The following DIDO1 variants were observed in gnomAD, a reference collection of about 807,000 sequenced individuals.
DIDO1 encodes death inducer-obliterator 1.
A neutral mutation model predicts 99.4 loss-of-function variants in DIDO1; 16 were observed. The observed-to-expected ratio is 0.16, with a 90% CI of 0.11 to 0.24. DIDO1 has a LOEUF of 0.24. Ranked by LOEUF, DIDO1 falls within the 10% of genes least tolerant of loss-of-function variation. DIDO1 has a pLI of 1.00. For synonymous variants in DIDO1, 1,366 were observed against 1,239.1 expected (o/e 1.10, Z -2.15); for missense variants, 2,996 against 3,014.0 (o/e 0.99, Z 0.14).
chr20:62,882,915 C>CTTTTTTTTT (rs10583836), intron 15 of DIDO1, among the ~76,000 whole-genome samples: 2 of 81,354 alleles, frequency 2.5e-5, no homozygotes, highest in African/African-American at 5.4e-5. Flanking sequence ...AACAAACAGC[C>CTTTTTTTTT]TTTTTTTTTT....
At chr20:62,905,730 A>C in intron 6 of DIDO1, 157 bp downstream of exon 6, 2 of 1,607,228 alleles carry the variant, frequency 1.2e-6, no homozygotes, top group Non-Finnish European at 8.5e-7. Context: ...AGCAGGAGGC[A>C]TCCTGGACAT....
chr20:62,879,155 G>T lies in DIDO1; in HGVS notation c.*78C>A. On this transcript the variant is annotated 3_prime_UTR_variant, in exon 16 of 16. Coordinates refer to ENST00000395343, the MANE Select transcript of DIDO1 (RefSeq NM_001193369.2). The surrounding 1 kb of genome is among the most constrained non-coding windows in gnomAD (Gnocchi z 6.3). ...AATATTCTATCCTGAATCTAAGATC[G>T]TGGCTATTTCAAAAGCTATTTGTTC... is the stretch of plus-strand genomic sequence containing the variant. 3.1e-6 allele frequency: 4 copies of T among 1,276,102 alleles called. No individual in the cohort carries two copies. Among genetic ancestry groups the T allele is most frequent in the Non-Finnish European group, 2.1e-6 (2 of 967,458 alleles). The allele number at this position is 1,276,102 out of a possible 1,614,324, so 79.0% of individuals were successfully genotyped here. A position where few individuals can be genotyped will look rare whatever the true frequency, so the allele number is the denominator to read the frequency against.
intron 1 of DIDO1, among the ~76,000 whole-genome samples, chr20:62,935,358 G>C (rs535917005): frequency 6.6e-6 from 1 of 152,030 alleles, no homozygotes; most frequent in Non-Finnish European, 1.5e-5. Flanking sequence ...CTCCTATTAC[G>C]ATTTAGCCAT....
rs1326862208 is a variant in DIDO1 at position 62,896,015 on chromosome 20, G to A, written c.2214+218C>T. ...AAAAGGTGGACTTCAGGGAAGCCAG[G>A]AAGCGGACGCGACCCTAGTTAAGGC... On this transcript the variant is annotated intron_variant, in intron 8 of 15. Transcript: ENST00000395343. The surrounding 1 kb of genome is among the most constrained non-coding windows in gnomAD (Gnocchi z 4.4). 6.6e-6 allele frequency among the ~76,000 whole-genome samples: 1 copy of A among 152,208 alleles called. No individual in the cohort carries two copies. Among genetic ancestry groups the A allele is most frequent in the South Asian group, 2.1e-4 (1 of 4,824 alleles).
At chr20:62,889,095 G>C in intron 15 of DIDO1, 1 of 985,536 alleles carries the variant, frequency 1.0e-6, no homozygotes, top group Non-Finnish European at 1.2e-6. Context: ...CGTTCCCCCA[G>C]CTGGTCGCGG....
At position 62,907,320 on chromosome 20, in the gene DIDO1, C is replaced by G. The variant is rs755559157; in HGVS notation, c.1201G>C (p.Gly401Arg). The G allele has an allele frequency of 1.9e-6, 3 of 1,614,016 alleles. No individual in the cohort carries two copies. Among genetic ancestry groups the G allele is most frequent in the African/African-American group, 2.7e-5 (2 of 74,918 alleles). ...TCGGGCTGCGCCACGTGACAGCACCCGGGGCCAATACATTTTGAGGCACCA... is the reference window on the plus strand; with the variant it reads ...TCGGGCTGCGCCACGTGACAGCACCGGGGGCCAATACATTTTGAGGCACCA... ...APGASKCIGPGCCHVAQPDSV... is the reference protein window; with the variant it reads ...APGASKCIGPRCCHVAQPDSV... The change falls in exon 5 of 16, where the codon GGG becomes CGG. Residue 401 changes from glycine to arginine, a missense_variant. Gly to Arg is a moderately radical substitution (Grantham distance 125, BLOSUM62 -2). Coordinates refer to ENST00000395343, the MANE Select transcript of DIDO1 (RefSeq NM_001193369.2).
intron 15 of DIDO1, chr20:62,889,124 T>C (rs2064348289): frequency 3.0e-6 from 3 of 985,502 alleles, no homozygotes; most frequent in Non-Finnish European, 3.6e-6. Flanking sequence ...GTGTGGGTGG[T>C]TGGTGCCATC....
intron 6 of DIDO1, among the ~76,000 whole-genome samples, chr20:62,899,606 G>T (rs1030909586): frequency 6.6e-6 from 1 of 152,158 alleles, no homozygotes; most frequent in Non-Finnish European, 1.5e-5. Flanking sequence ...GCAGATTAAC[G>T]TAATTTATTT....
chr20:62,908,523 C>T (rs1227059950), intron 4 of DIDO1, among the ~76,000 whole-genome samples: 1 of 152,232 alleles, frequency 6.6e-6, no homozygotes, highest in Non-Finnish European at 1.5e-5. Flanking sequence ...CTGCTGTTTA[C>T]AAAGTCTGTC....
At position 62,880,650 on chromosome 20, in the gene DIDO1, G is replaced by T; in HGVS notation, c.5306C>A (p.Pro1769His). ...HALGMSGLHGPNFPGPRGPAP... is the reference protein window; with the variant it reads ...HALGMSGLHGHNFPGPRGPAP... The stretch of plus-strand genomic sequence containing the variant: ...TGGCCCCCTTGGTCCCGGGAAATTG[G>T]GGCCGTGAAGCCCTGACATCCCCAA... Residue 1769 changes from proline to histidine, a missense_variant, in exon 16 of 16, where the codon CCC (proline) becomes CAC (histidine). Pro to His is a moderately conservative substitution (Grantham distance 77). Around this residue, in one of 5 missense-constraint regions of DIDO1, gnomAD observed 1,562 missense variants for 1,412.6 expected, o/e 1.11. Coordinates refer to ENST00000395343, the MANE Select transcript of DIDO1 (RefSeq NM_001193369.2). 6.2e-7 allele frequency: 1 copy of T among 1,612,838 alleles called. No individual in the cohort carries two copies. Among genetic ancestry groups the T allele is most frequent in the Non-Finnish European group, 8.5e-7 (1 of 1,180,000 alleles).
At chr20:62,890,844 C>T in intron 15 of DIDO1, 116 bp downstream of exon 15, 1 of 1,590,460 alleles carries the variant, frequency 6.3e-7, no homozygotes, top group East Asian at 2.2e-5. Flanking sequence ...CGTCTGTGCT[C>T]CTAACTCCTG....
At position 62,880,769 on chromosome 20, in the gene DIDO1, G is replaced by C; in HGVS notation, c.5187C>G (p.Pro1729=). The part of the protein sequence containing the change: ...TEGDREPQAR[P]GEGTAPLPPP... ...GGGGGAGCGGGGCGGTGCCCTCGCC[G>C]GGTCTGGCCTGTGGCTCTCTGTCCC... The change falls in exon 16 of 16, where the codon CCC becomes CCG. Residue 1729 remains proline (P), a synonymous_variant. Transcript: ENST00000395343. 6.2e-7 allele frequency: 1 copy of C among 1,612,140 alleles called. No individual in the cohort carries two copies. Among genetic ancestry groups the C allele is most frequent in the Non-Finnish European group, 8.5e-7 (1 of 1,179,746 alleles).
intron 1 of DIDO1, among the ~76,000 whole-genome samples, chr20:62,921,835 CTATA>C (rs1213070908): frequency 6.7e-6 from 1 of 150,098 alleles, no homozygotes; most frequent in Non-Finnish European, 1.5e-5. Flanking sequence ...TATATATATA[CTATA>C]TATATCCACT....
In DIDO1 at chr20:62,891,058, A is replaced by C. The variant is rs751857965; in HGVS notation, c.3443T>G (p.Val1148Gly). The C allele has an allele frequency of 6.2e-7, 1 of 1,614,190 alleles. No homozygotes were observed. The highest frequency in any genetic ancestry group is 8.5e-7 in the Non-Finnish European group (1 of 1,180,034). ...GACGTGCCTGTTGTTATTAGCTACA[A>C]CACCAAAGCGGCCACGGCTGCTGAA... is the stretch of plus-strand genomic sequence containing the variant. ...SYFSSRGRFGVVANNNRHVKD... is the reference protein window; with the variant it reads ...SYFSSRGRFGGVANNNRHVKD... Residue 1148 changes from valine to glycine, a missense_variant, in exon 15 of 16, where the codon GTT (valine) becomes GGT (glycine). Coordinates refer to ENST00000395343, the MANE Select transcript of DIDO1 (RefSeq NM_001193369.2).
chr20:62,903,973 A>T (rs1339861428), intron 6 of DIDO1, among the ~76,000 whole-genome samples: 1 of 152,208 alleles, frequency 6.6e-6, no homozygotes, highest in Non-Finnish European at 1.5e-5. Context: ...CCCAGGGCTG[A>T]GAGCCCCTCA....
intron 1 of DIDO1, 88 bp downstream of exon 1, chr20:62,926,351 C>G (rs2065255529): frequency 6.6e-6 from 1 of 151,952 alleles, no homozygotes; most frequent in Non-Finnish European, 1.5e-5. Context: ...CAGCCGGGCT[C>G]CGATGCCGGC....
upstream of DIDO1, among the ~76,000 whole-genome samples, chr20:62,931,439 G>C (rs182615483): frequency 1.6e-3 from 250 of 152,216 alleles, 1 homozygote; most frequent in African/African-American, 5.7e-3. Context: ...TTTCTTTTCT[G>C]ACTGGTTTTA....
chr20:62,887,157 C>T (rs6122328), intron 15 of DIDO1: 1 of 985,448 alleles, frequency 1.0e-6, no homozygotes, highest in South Asian at 4.7e-5. Flanking sequence ...AAACAGGGGC[C>T]TAGGATAGGT....
intron 1 of DIDO1, among the ~76,000 whole-genome samples, chr20:62,918,668 A>T (rs1468320466): frequency 6.6e-6 from 1 of 152,242 alleles, no homozygotes; most frequent in Non-Finnish European, 1.5e-5. Context: ...CTGAAACAAT[A>T]TTCAAAACAA....
Sources: allele counts gnomAD v4.1 joint callset (sites outside exome capture counted in the v4.1 genomes callset), GRCh38; gene constraint gnomAD v4.1.1; regional missense constraint gnomAD v4.1.1; non-coding constraint Gnocchi (gnomAD v3.1); transcripts MANE v1.5; gene names NCBI Gene and HGNC (gene_info 2026-07-23, HGNC 2026-07-21).